CSMD1: variants seen among roughly 807,000 people sequenced by gnomAD.
CSMD1 encodes the protein CUB and sushi domain-containing protein 1.
A neutral mutation model predicts 417.5 loss-of-function variants in CSMD1; 213 were observed. The ratio of observed to expected loss-of-function variants is 0.51; its 90% confidence interval spans 0.46 to 0.57. The LOEUF is 0.57. Ranked by LOEUF, CSMD1 falls within the 20% of genes least tolerant of loss-of-function variation. The pLI is 0.00. For synonymous variants in CSMD1, 2,862 were observed against 1,736.8 expected (o/e 1.65, Z -16.11); for missense variants, 6,923 against 4,529.7 (o/e 1.53, Z -15.17).
chr8:4,239,913 A>G (rs962295872), intron 3 of CSMD1, among the ~76,000 whole-genome samples: 11 of 152,236 alleles, frequency 7.2e-5, no homozygotes, highest in African/African-American at 2.4e-4. Context: ...TAAGTAAAAT[A>G]GAGTTGAATT....
chr8:4,387,070 C>G (rs6985778), intron 3 of CSMD1, among the ~76,000 whole-genome samples: 32,574 of 151,964 alleles, frequency 0.21, 5,146 homozygotes, highest in African/African-American at 0.44. Flanking sequence ...AAAACGGATG[C>G]ACAGAATTTC....
chr8:4,243,362 A>G (rs1031239954), intron 3 of CSMD1, among the ~76,000 whole-genome samples: 1 of 152,166 alleles, frequency 6.6e-6, no homozygotes, highest in Admixed American at 6.5e-5. Flanking sequence ...CAATGCCGAG[A>G]GGGGCCCAAA....
Position 4,656,750 on chromosome 8 carries a change from C to T in CSMD1, c.86-19192G>A, listed in dbSNP as rs115822786. Among the ~76,000 whole-genome samples the T allele has an allele frequency of 7.6e-3, 1,160 of 152,002 alleles. 9 individuals carry two copies. The highest frequency in any genetic ancestry group is 0.017 in the African/African-American group (689 of 41,448). On this transcript the variant is annotated intron_variant, in intron 1 of 69. Coordinates refer to ENST00000635120, the MANE Select transcript of CSMD1 (RefSeq NM_033225.6). ...AACAGTGTTTGGGGACACTAAATGCCGCAGGAGGCAGTGGCAGACGTGATC... is the reference window on the plus strand; with the variant it reads ...AACAGTGTTTGGGGACACTAAATGCTGCAGGAGGCAGTGGCAGACGTGATC...
At chr8:3,684,594 G>GT (rs1420215013) in intron 7 of CSMD1, among the ~76,000 whole-genome samples, 2 of 137,516 alleles carry the variant, frequency 1.5e-5, no homozygotes, top group Non-Finnish European at 3.1e-5. Context: ...TACTGATACA[G>GT]TCTTTTTTTT....
At chr8:4,463,677 C>A (rs930304092) in intron 2 of CSMD1, among the ~76,000 whole-genome samples, 1 of 152,134 alleles carries the variant, frequency 6.6e-6, no homozygotes, top group Non-Finnish European at 1.5e-5. Context: ...ATTGCACTTA[C>A]ATTAAATGTC....
At chr8:3,777,189 C>G (rs1476051759) in intron 5 of CSMD1, among the ~76,000 whole-genome samples, 2 of 151,134 alleles carry the variant, frequency 1.3e-5, no homozygotes, top group African/African-American at 2.4e-5. Context: ...GTGTCTGTTA[C>G]TTGTTATATT....
intron 2 of CSMD1, among the ~76,000 whole-genome samples, chr8:4,587,261 G>A (rs1474531196): frequency 6.6e-6 from 1 of 152,034 alleles, no homozygotes; most frequent in Non-Finnish European, 1.5e-5. Context: ...AATGAGTACT[G>A]GGAACTGATG....
chr8:3,124,662 C>A (rs1817395022), intron 41 of CSMD1, among the ~76,000 whole-genome samples: 1 of 152,148 alleles, frequency 6.6e-6, no homozygotes, highest in South Asian at 2.1e-4. Context: ...CCCCTTTTCA[C>A]ACTCTCGCCA....
intron 4 of CSMD1, among the ~76,000 whole-genome samples, chr8:4,020,794 C>A (rs894107761): frequency 3.3e-5 from 5 of 152,304 alleles, no homozygotes; most frequent in Non-Finnish European, 2.9e-5. Flanking sequence ...AATGAGATTT[C>A]TTTTGAGAAA....
intron 3 of CSMD1, among the ~76,000 whole-genome samples, chr8:4,308,309 G>A (rs1016550043): frequency 2.0e-5 from 3 of 151,930 alleles, no homozygotes; most frequent in African/African-American, 7.3e-5. Flanking sequence ...TGAAGTGTAT[G>A]TGTGGGGTGG....
chr8:4,517,947 T>G (rs1206798355), intron 2 of CSMD1, among the ~76,000 whole-genome samples: 2 of 152,160 alleles, frequency 1.3e-5, no homozygotes, highest in African/African-American at 4.8e-5. Flanking sequence ...TTTAATGAAT[T>G]TCAGGTAGCT....
At chr8:3,892,447 G>A (rs1251902876) in intron 5 of CSMD1, among the ~76,000 whole-genome samples, 1 of 152,176 alleles carries the variant, frequency 6.6e-6, no homozygotes, top group East Asian at 1.9e-4. Context: ...AGGCTTCATA[G>A]CCCCTCATTC....
chr8:4,447,623 T>A (rs918302093), intron 2 of CSMD1, among the ~76,000 whole-genome samples: 23 of 152,222 alleles, frequency 1.5e-4, no homozygotes, highest in African/African-American at 5.3e-4. Flanking sequence ...TGACTAAGCT[T>A]GTTCAAAGTC....
intron 3 of CSMD1, among the ~76,000 whole-genome samples, chr8:4,094,328 G>C (rs1800885975): frequency 6.6e-6 from 1 of 152,138 alleles, no homozygotes; most frequent in African/African-American, 2.4e-5. Context: ...AGGAACCCAG[G>C]CCAGAGGTGG....
intron 50 of CSMD1, among the ~76,000 whole-genome samples, chr8:3,047,998 G>C (rs138737620): frequency 5.5e-4 from 84 of 152,298 alleles, no homozygotes; most frequent in African/African-American, 1.8e-3. Flanking sequence ...GTCAATCTGT[G>C]AAGTAACAGG....
chr8:3,987,143 A>G (rs1385380402), intron 5 of CSMD1, among the ~76,000 whole-genome samples: 3 of 152,194 alleles, frequency 2.0e-5, no homozygotes, highest in Non-Finnish European at 4.4e-5. Flanking sequence ...CACAGCGTCT[A>G]TCCGAGTTCT....
chr8:3,981,766 G>C (rs1015780424), intron 5 of CSMD1, among the ~76,000 whole-genome samples: 3 of 152,166 alleles, frequency 2.0e-5, no homozygotes, highest in East Asian at 3.9e-4. Context: ...CCGTCCGACA[G>C]GCTGTGCGCT....
At chr8:3,404,185 T>A (rs1178758118) in intron 15 of CSMD1, among the ~76,000 whole-genome samples, 1 of 152,044 alleles carries the variant, frequency 6.6e-6, no homozygotes, top group African/African-American at 2.4e-5. Flanking sequence ...AATACAAAAA[T>A]TAGCCAGGCG....
intron 3 of CSMD1, among the ~76,000 whole-genome samples, chr8:4,120,015 G>C (rs770295499): frequency 6.6e-6 from 1 of 152,108 alleles, no homozygotes; most frequent in African/African-American, 2.4e-5. Flanking sequence ...GGTGACGGCA[G>C]TTGATGATAA....
Sources: gnomAD v4.1 joint callset for allele counts (sites outside exome capture counted in the v4.1 genomes callset) on GRCh38, gnomAD v4.1.1 for gene constraint, MANE v1.5 for transcripts, NCBI Gene and HGNC (gene_info 2026-07-23, HGNC 2026-07-21) for gene names.